The following MARCHF1 variants were observed in gnomAD, a reference collection of about 807,000 sequenced individuals.
The protein encoded by MARCHF1 is E3 ubiquitin-protein ligase MARCHF1.
A neutral mutation model predicts 54.2 loss-of-function variants in MARCHF1; 40 were observed. The ratio of observed to expected loss-of-function variants is 0.74; its 90% CI spans 0.57 to 0.96. The LOEUF (loss-of-function observed/expected upper bound fraction) is 0.96. MARCHF1 is among the 40% of genes least tolerant of loss of function. The pLI is 0.00. For missense variants in MARCHF1, 586 were observed against 656.5 expected (o/e 0.89, Z 1.17); for synonymous variants, 236 against 236.3 (o/e 1.00, Z 0.01).
intron 1 of MARCHF1, chr4:164,189,565 G>T: frequency 1.1e-6 from 1 of 919,986 alleles, no homozygotes; most frequent in South Asian, 1.4e-5. Context: ...AGTGCATGGT[G>T]CTGCTGTCCA....
At chr4:163,879,842 A>G (rs1197713135) in intron 3 of MARCHF1, among the ~76,000 whole-genome samples, 1 of 125,048 alleles carries the variant, frequency 8.0e-6, no homozygotes, top group African/African-American at 2.8e-5. Flanking sequence ...TGTAGCTTTT[A>G]TAATCCAAAG....
chr4:163,713,105 C>CA (rs1227928113), intron 4 of MARCHF1, among the ~76,000 whole-genome samples: 17 of 151,448 alleles, frequency 1.1e-4, no homozygotes, highest in Middle Eastern at 3.4e-3. Context: ...TTTTTAAAAA[C>CA]AAAAAAAATC....
chr4:164,234,810 G>C (rs528662049), intron 1 of MARCHF1: 2 of 151,924 alleles, frequency 1.3e-5, no homozygotes, highest in African/African-American at 2.4e-5. Context: ...GACAAAAAAG[G>C]GTTCCAGTTA....
At chr4:164,250,370 T>C (rs1444233232) in intron 1 of MARCHF1, among the ~76,000 whole-genome samples, 1 of 152,088 alleles carries the variant, frequency 6.6e-6, no homozygotes, top group Admixed American at 6.6e-5. Context: ...TTTTAGAATG[T>C]TCCCCCAGAA....
intron 2 of MARCHF1, among the ~76,000 whole-genome samples, chr4:164,066,127 T>C (rs1048230215): frequency 6.6e-6 from 1 of 151,786 alleles, no homozygotes; most frequent in African/African-American, 2.4e-5. Context: ...ACAGCATGCA[T>C]CAAACAAAGG....
chr4:163,744,270 AG>A (rs199942951), intron 4 of MARCHF1, among the ~76,000 whole-genome samples: 7 of 152,108 alleles, frequency 4.6e-5, no homozygotes, highest in African/African-American at 1.7e-4. Flanking sequence ...GGAAAGCCTC[AG>A]GGTTAGGTTT....
At chr4:164,342,124 C>T (rs1729948089) in intron 1 of MARCHF1, among the ~76,000 whole-genome samples, 1 of 151,916 alleles carries the variant, frequency 6.6e-6, no homozygotes, top group African/African-American at 2.4e-5. Flanking sequence ...GACATATAAC[C>T]AGATCAGAAA....
intron 5 of MARCHF1, among the ~76,000 whole-genome samples, chr4:163,638,808 T>A (rs1053206231): frequency 1.3e-5 from 2 of 152,188 alleles, no homozygotes; most frequent in African/African-American, 4.8e-5. Context: ...AAGGTATGTA[T>A]ACGTATATCT....
At chr4:163,925,500 C>T (rs962924781) in intron 3 of MARCHF1, among the ~76,000 whole-genome samples, 2 of 151,800 alleles carry the variant, frequency 1.3e-5, no homozygotes, top group African/African-American at 4.8e-5. Context: ...TACATTACTA[C>T]TTGTATTCAA....
At chr4:163,663,329 A>T (rs1743415517) in intron 5 of MARCHF1, among the ~76,000 whole-genome samples, 1 of 150,726 alleles carries the variant, frequency 6.6e-6, no homozygotes, top group African/African-American at 2.4e-5. Context: ...CCACTAGATG[A>T]TCACAACTGA....
At chr4:164,337,567 T>C (rs929374125) in intron 1 of MARCHF1, among the ~76,000 whole-genome samples, 1 of 152,196 alleles carries the variant, frequency 6.6e-6, no homozygotes, top group Admixed American at 6.5e-5. Flanking sequence ...AAAGAGGTCA[T>C]ATTCCTTAGT....
At chr4:163,736,349 A>C (rs1200403019) in intron 4 of MARCHF1, among the ~76,000 whole-genome samples, 2 of 152,188 alleles carry the variant, frequency 1.3e-5, no homozygotes, top group East Asian at 3.8e-4. Flanking sequence ...GACAGCATGC[A>C]TACACTAGGA....
At chr4:164,156,253 T>G (rs1730073895) in intron 1 of MARCHF1, among the ~76,000 whole-genome samples, 1 of 152,182 alleles carries the variant, frequency 6.6e-6, no homozygotes, top group South Asian at 2.1e-4. Context: ...TTGAAGACAG[T>G]GACAGCATGT....
intron 1 of MARCHF1, among the ~76,000 whole-genome samples, chr4:164,202,026 G>T (rs1400955947): frequency 6.6e-6 from 1 of 152,318 alleles, no homozygotes; most frequent in East Asian, 1.9e-4. Flanking sequence ...TAGGGCTATA[G>T]TAGCGAATGA....
At chr4:164,265,224 G>A (rs371728059) in intron 1 of MARCHF1, among the ~76,000 whole-genome samples, 8 of 152,204 alleles carry the variant, frequency 5.3e-5, no homozygotes, top group East Asian at 1.9e-4. Context: ...TTGACAATAA[G>A]TCTGTATATT....
chr4:163,729,231 C>CT (rs760031243), intron 4 of MARCHF1, among the ~76,000 whole-genome samples: 2 of 151,742 alleles, frequency 1.3e-5, no homozygotes, highest in Non-Finnish European at 2.9e-5. Context: ...AAGAAAATGC[C>CT]TTTTTTTGTT....
At chr4:163,719,736 G>A (rs546670494) in intron 4 of MARCHF1, among the ~76,000 whole-genome samples, 534 of 152,152 alleles carry the variant, frequency 3.5e-3, no homozygotes, top group Admixed American at 5.9e-3. Flanking sequence ...ACTGGGGTGA[G>A]ATGGTATCTC....
At chr4:163,898,272 A>T (rs1750859341) in intron 3 of MARCHF1, among the ~76,000 whole-genome samples, 1 of 152,118 alleles carries the variant, frequency 6.6e-6, no homozygotes. Flanking sequence ...AATGGGAGAA[A>T]ATATTTGTAA....
At chr4:163,880,516 C>A (rs982505999) in intron 3 of MARCHF1, among the ~76,000 whole-genome samples, 12 of 150,868 alleles carry the variant, frequency 8.0e-5, no homozygotes, top group Non-Finnish European at 1.8e-4. Flanking sequence ...ATATATTATT[C>A]TTTTAATCCT....
Sources: allele counts gnomAD v4.1 joint callset (sites outside exome capture counted in the v4.1 genomes callset), GRCh38; gene constraint gnomAD v4.1.1; transcripts MANE v1.5; gene names NCBI Gene and HGNC (gene_info 2026-07-23, HGNC 2026-07-21).